Variants in RBMS3 observed in about 807,000 individuals in gnomAD.
RBMS3 encodes RNA-binding motif, single-stranded-interacting protein 3.
Under a neutral mutation model 66.8 loss-of-function variants are expected in RBMS3, and 27 were observed. The ratio of observed to expected loss-of-function variants is 0.40; its 90% CI spans 0.30 to 0.56. The LOEUF (loss-of-function observed/expected upper bound fraction) is 0.56, where lower values mean the gene tolerates loss of function less well. Among genes scored for constraint, RBMS3 ranks in the 20% least tolerant of loss-of-function variants. RBMS3 has a pLI of 0.40. For synonymous variants in RBMS3, 188 were observed against 183.0 expected (o/e 1.03, Z -0.22); for missense variants, 513 against 549.5 (o/e 0.93, Z 0.66).
chr3:29,787,951 AT>A (rs1426945494), intron 6 of RBMS3, among the ~76,000 whole-genome samples: 1 of 152,136 alleles, frequency 6.6e-6, no homozygotes, highest in Non-Finnish European at 1.5e-5. Flanking sequence ...TTTATTTTAT[AT>A]TTTGAGTTGG....
At position 29,541,559 on chromosome 3, in the gene RBMS3, G is replaced by A. The variant is rs148832042; in HGVS notation, c.308-45555G>A. Among the ~76,000 whole-genome samples, 538 of 152,218 alleles carry A rather than the reference G, an allele frequency of 3.5e-3. 2 individuals are homozygous for A. The highest frequency in any genetic ancestry group is 9.0e-3 in the Admixed American group (137 of 15,292). ...TTCACTGCCACAACCTCGTGTAAGC[G>A]CAGGTGTCTGTCACCTGGGACCTTG... On this transcript the variant is annotated intron_variant, in intron 3 of 14. Coordinates refer to ENST00000383767, the MANE Select transcript of RBMS3 (RefSeq NM_001003793.3).
intron 12 of RBMS3, among the ~76,000 whole-genome samples, chr3:29,945,788 T>C (rs185795378): frequency 2.0e-5 from 3 of 151,864 alleles, no homozygotes; most frequent in African/African-American, 7.2e-5. Flanking sequence ...GCAGAAGATC[T>C]GGCTGACAAT....
At chr3:29,699,640 G>A (rs1476720352) in intron 4 of RBMS3, among the ~76,000 whole-genome samples, 2 of 152,096 alleles carry the variant, frequency 1.3e-5, no homozygotes, top group African/African-American at 4.8e-5. Flanking sequence ...TGTGACGTAA[G>A]TATTACCTAT....
At chr3:29,950,935 C>T (rs953416396) in intron 12 of RBMS3, among the ~76,000 whole-genome samples, 4 of 151,818 alleles carry the variant, frequency 2.6e-5, no homozygotes, top group Admixed American at 2.6e-4. Flanking sequence ...TTTTAACTAA[C>T]AATGTAAAAT....
At chr3:29,660,256 A>G (rs1014328067) in intron 4 of RBMS3, among the ~76,000 whole-genome samples, 3 of 151,512 alleles carry the variant, frequency 2.0e-5, no homozygotes, top group Non-Finnish European at 4.4e-5. Context: ...GTTCATAATC[A>G]TTAATCATCT....
chr3:29,473,337 C>A (rs1346524035), intron 2 of RBMS3, among the ~76,000 whole-genome samples: 1 of 152,190 alleles, frequency 6.6e-6, no homozygotes, highest in Non-Finnish European at 1.5e-5. Context: ...CAAGTCCCCA[C>A]CAGAGTAGCT....
At chr3:29,695,024 T>G (rs1338868706) in intron 4 of RBMS3, among the ~76,000 whole-genome samples, 1 of 152,186 alleles carries the variant, frequency 6.6e-6, no homozygotes, top group African/African-American at 2.4e-5. Context: ...CATTGCCCAC[T>G]GCTGAGTCAC....
At chr3:29,472,320 T>G (rs1348628735) in intron 2 of RBMS3, among the ~76,000 whole-genome samples, 1 of 151,772 alleles carries the variant, frequency 6.6e-6, no homozygotes, top group Non-Finnish European at 1.5e-5. Flanking sequence ...CTCAGCTTCC[T>G]CAGTAGCTAG....
intron 1 of RBMS3, among the ~76,000 whole-genome samples, chr3:29,353,918 A>G (rs1025999401): frequency 6.6e-6 from 1 of 152,112 alleles, no homozygotes; most frequent in Non-Finnish European, 1.5e-5. Flanking sequence ...AAGTAGGTAT[A>G]TTCTGCATTT....
chr3:29,618,382 T>A (rs915476934), intron 4 of RBMS3, among the ~76,000 whole-genome samples: 2 of 152,076 alleles, frequency 1.3e-5, no homozygotes. Flanking sequence ...GGTGGGTACC[T>A]GTAATCCCAG....
rs141440875 is a variant in RBMS3, at chr3:29,949,666, C to T, written c.1098+5412C>T. On this transcript the variant is annotated intron_variant, in intron 12 of 14. Transcript: ENST00000383767. The stretch of plus-strand genomic sequence containing the variant: ...ACATTGAGATGGAGGTTGAGAAAAA[C>T]ATGTATTAGTGTTTTAGTGTGTACA... Among the ~76,000 whole-genome samples the T allele has an allele frequency of 1.3e-3, 198 of 151,666 alleles. 1 individual carries two copies. The highest frequency in any genetic ancestry group is 1.6e-3 in the Non-Finnish European group (110 of 67,812).
intron 14 of RBMS3, among the ~76,000 whole-genome samples, chr3:30,003,588 A>G (rs950638784): frequency 1.3e-5 from 2 of 152,002 alleles, no homozygotes; most frequent in African/African-American, 4.8e-5. Flanking sequence ...AAGGAACAGA[A>G]TTACTCAAAG....
intron 14 of RBMS3, among the ~76,000 whole-genome samples, chr3:30,000,652 A>ATGAT (rs1699557234): frequency 6.6e-6 from 1 of 152,202 alleles, no homozygotes; most frequent in African/African-American, 2.4e-5. Context: ...ATGCCCATTA[A>ATGAT]TGATAGACTT....
intron 1 of RBMS3, among the ~76,000 whole-genome samples, chr3:29,353,189 C>G (rs2037023475): frequency 6.6e-6 from 1 of 151,764 alleles, no homozygotes; most frequent in Non-Finnish European, 1.5e-5. Flanking sequence ...AACTCTTTTT[C>G]TTTCTCTTAT....
At chr3:29,543,035 C>G (rs867607129) in intron 3 of RBMS3, among the ~76,000 whole-genome samples, 4 of 152,126 alleles carry the variant, frequency 2.6e-5, no homozygotes, top group East Asian at 1.9e-4. Flanking sequence ...ATAGCGTCCC[C>G]TCTTTGAATG....
intron 6 of RBMS3, among the ~76,000 whole-genome samples, chr3:29,866,558 C>G (rs969361886): frequency 6.6e-6 from 1 of 152,094 alleles, no homozygotes; most frequent in African/African-American, 2.4e-5. Flanking sequence ...GTACCTGAAT[C>G]TTTAAAATGG....
intron 1 of RBMS3, among the ~76,000 whole-genome samples, chr3:29,371,148 A>C (rs577352854): frequency 7.5e-4 from 114 of 152,320 alleles, no homozygotes; most frequent in African/African-American, 2.7e-3. Flanking sequence ...TGGAGTGGGA[A>C]GTGTCTTCTC....
At chr3:29,857,604 A>T (rs1551039) in intron 6 of RBMS3, among the ~76,000 whole-genome samples, 18,344 of 149,324 alleles carry the variant, frequency 0.12, 1,353 homozygotes, top group East Asian at 0.4. Context: ...CTCCAACTAC[A>T]TTTCATTATA....
At chr3:29,500,042 C>G (rs1004282056) in intron 3 of RBMS3, among the ~76,000 whole-genome samples, 1 of 149,036 alleles carries the variant, frequency 6.7e-6, no homozygotes, top group Non-Finnish European at 1.5e-5. Context: ...AAAACTGTAG[C>G]TTTTAATCAA....
Sources: allele counts gnomAD v4.1 joint callset (sites outside exome capture counted in the v4.1 genomes callset), GRCh38; gene constraint gnomAD v4.1.1; transcripts MANE v1.5; gene names NCBI Gene and HGNC (gene_info 2026-07-23, HGNC 2026-07-21).